CFAP70: variants seen among roughly 807,000 people sequenced by gnomAD.
CFAP70 encodes the protein cilia and flagella associated protein 70, also known as cilia- and flagella-associated protein 70.
A neutral mutation model predicts 137.6 loss-of-function variants in CFAP70; 81 were observed. That is an observed-to-expected ratio of 0.59 (90% CI 0.49 to 0.71). CFAP70 has a LOEUF of 0.71. Ranked by LOEUF, CFAP70 falls within the 30% of genes least tolerant of loss-of-function variation. CFAP70 has a pLI of 0.00. For synonymous variants in CFAP70, 382 were observed against 423.6 expected (o/e 0.90, Z 1.20); for missense variants, 976 against 1,226.7 (o/e 0.80, Z 3.05).
chr10:73,354,892 A>C (rs2054547771), intron 1 of CFAP70, 57 bp from the exon 2 acceptor site: 1 of 993,110 alleles, frequency 1.0e-6, no homozygotes, highest in Non-Finnish European at 1.6e-6. Context: ...ACAAGTACCC[A>C]TATTCCATCA....
At chr10:73,296,466 CA>C (rs2048556804) in intron 15 of CFAP70, 1 of 152,176 alleles carries the variant, frequency 6.6e-6, no homozygotes, top group Non-Finnish European at 1.5e-5. Flanking sequence ...TAGACACTAC[CA>C]GGGGACAAAA....
At chr10:73,341,319 A>C in intron 6 of CFAP70, 80 bp downstream of exon 7, 9 of 1,258,376 alleles carry the variant, frequency 7.2e-6, no homozygotes, top group Non-Finnish European at 1.0e-5. Context: ...AATGTATATA[A>C]ATTACAGTAA....
chr10:73,299,445 A>G (rs1184413830), intron 13 of CFAP70, among the ~76,000 whole-genome samples, 160 bp downstream of exon 14: 3 of 152,314 alleles, frequency 2.0e-5, no homozygotes, highest in Non-Finnish European at 4.4e-5. Context: ...ACTGTATGCT[A>G]TATGCCATTG....
intron 12 of CFAP70, among the ~76,000 whole-genome samples, chr10:73,302,140 T>G (rs753963593): frequency 4.6e-5 from 7 of 152,030 alleles, no homozygotes; most frequent in Non-Finnish European, 8.8e-5. Context: ...CAGCTTGAAA[T>G]ATAAATGTGG....
Position 73,323,114 on chromosome 10 carries a change from A to G in CFAP70, c.778-17T>C, listed in dbSNP as rs778996544. On this transcript the variant is annotated splice_polypyrimidine_tract_variant and intron_variant, in intron 8 of 26. Transcript: ENST00000310715. ...TTCATCAGTCTAAAGGAATAAAACC[A>G]GAGAGTTGTTAGTGCTATAAGCAAT... is the stretch of plus-strand genomic sequence containing the variant. 1.9e-6 allele frequency: 3 copies of G among 1,602,318 alleles called. No homozygotes were observed. Among genetic ancestry groups the G allele is most frequent in the Non-Finnish European group, 1.7e-6 (2 of 1,175,742 alleles).
At chr10:73,358,746 A>G (rs956412657) in exon 1 of CFAP70, 3 of 152,444 alleles carry the variant, frequency 2.0e-5, no homozygotes, top group African/African-American at 7.2e-5. Context: ...TTTGACAACT[A>G]TAGCAACCAA....
intron 25 of CFAP70, 91 bp from the exon 27 acceptor site, chr10:73,256,507 C>G: frequency 1.5e-6 from 2 of 1,328,836 alleles, no homozygotes; most frequent in Non-Finnish European, 2.2e-6. Context: ...GAGGCACCTA[C>G]ACCTAAGGCA....
chr10:73,282,517 G>T (rs1447462033), intron 19 of CFAP70, among the ~76,000 whole-genome samples: 4 of 152,064 alleles, frequency 2.6e-5, no homozygotes, highest in African/African-American at 9.7e-5. Context: ...GGGTCTGCAT[G>T]GGGCTCCCTG....
At chr10:73,256,336 G>T (rs2044489456) in intron 26 of CFAP70, 33 bp downstream of exon 27, 1 of 1,613,196 alleles carries the variant, frequency 6.2e-7, no homozygotes. Flanking sequence ...CTTAACATGG[G>T]GCAGGCAAAT....
At chr10:73,289,049 T>C (rs527751838) in intron 19 of CFAP70, among the ~76,000 whole-genome samples, 1 of 152,308 alleles carries the variant, frequency 6.6e-6, no homozygotes, top group South Asian at 2.1e-4. Flanking sequence ...TACTGTTTTT[T>C]CCTCACTCTG....
chr10:73,292,068 TACG>T (rs2048216737), intron 16 of CFAP70, 54 bp from the exon 18 acceptor site: 2 of 1,594,672 alleles, frequency 1.3e-6, no homozygotes, highest in Admixed American at 1.7e-5. Flanking sequence ...TTTTTATGCA[TACG>T]ACATCACATG....
intron 3 of CFAP70, among the ~76,000 whole-genome samples, chr10:73,353,112 G>A (rs900764057): frequency 5.3e-5 from 8 of 152,162 alleles, no homozygotes; most frequent in African/African-American, 1.4e-4. Context: ...TTAATGGTTA[G>A]TACAAGCCTA....
chr10:73,329,241 C>CA (rs943434202), intron 8 of CFAP70, among the ~76,000 whole-genome samples: 3 of 151,654 alleles, frequency 2.0e-5, no homozygotes, highest in African/African-American at 2.4e-5. Flanking sequence ...ATTGCAAGGA[C>CA]AAAAAACCAA....
intron 6 of CFAP70, among the ~76,000 whole-genome samples, chr10:73,337,523 A>G (rs2052791147): frequency 6.6e-6 from 1 of 152,066 alleles, no homozygotes; most frequent in Admixed American, 6.6e-5. Flanking sequence ...GAGATAAAGG[A>G]AAAATAGCAG....
intron 19 of CFAP70, among the ~76,000 whole-genome samples, chr10:73,290,764 A>T (rs919733968): frequency 1.1e-4 from 16 of 152,138 alleles, no homozygotes; most frequent in South Asian, 4.2e-4. Context: ...GTGAGGGGGG[A>T]AAAATGAAAT....
At chr10:73,316,640 A>G (rs1364720945) in intron 9 of CFAP70, among the ~76,000 whole-genome samples, 1 of 151,606 alleles carries the variant, frequency 6.6e-6, no homozygotes, top group East Asian at 1.9e-4. Context: ...CATCCTAACT[A>G]ATAACAATCT....
intron 6 of CFAP70, among the ~76,000 whole-genome samples, chr10:73,341,039 C>T (rs2053207317): frequency 1.3e-5 from 2 of 152,146 alleles, no homozygotes; most frequent in African/African-American, 4.8e-5. Context: ...CCAGACTGGC[C>T]ACTGCTGCCA....
intron 4 of CFAP70, among the ~76,000 whole-genome samples, chr10:73,347,796 T>G (rs1203732357): frequency 6.6e-6 from 1 of 152,170 alleles, no homozygotes; most frequent in Non-Finnish European, 1.5e-5. Context: ...TACCATGCCC[T>G]AAAGTATATG....
intron 8 of CFAP70, among the ~76,000 whole-genome samples, chr10:73,326,034 A>AT (rs2051384023): frequency 6.6e-6 from 1 of 151,910 alleles, no homozygotes; most frequent in Non-Finnish European, 1.5e-5. Context: ...CAGAATATAC[A>AT]TTTTTTTCAG....
Sources: gnomAD v4.1 joint callset for allele counts (sites outside exome capture counted in the v4.1 genomes callset) on GRCh38, gnomAD v4.1.1 for gene constraint, MANE v1.5 for transcripts, NCBI Gene and HGNC (gene_info 2026-07-23, HGNC 2026-07-21) for gene names.